Variants in UMAD1 observed in about 807,000 individuals in gnomAD.
UMAD1 encodes UBAP1-MVB12-associated (UMA) domain containing 1, also known as UBAP1-MVB12-associated (UMA)-domain containing protein 1.
In UMAD1, 8 loss-of-function variants were observed where a neutral mutation model predicts 6.1. The observed-to-expected ratio is 1.30, with a 90% CI of 0.76 to 2.35. The LOEUF is 2.35. Among genes scored for constraint, UMAD1 ranks in the 30% most tolerant of loss-of-function variants. The probability of loss-of-function intolerance (pLI) is 0.00; values close to 1 mark genes in which losing one functional copy is unlikely to be tolerated. For synonymous variants in UMAD1, 56 were observed against 31.4 expected (o/e 1.78, Z -2.61); for missense variants, 130 against 78.4 (o/e 1.66, Z -2.49).
intron 1 of UMAD1, among the ~76,000 whole-genome samples, chr7:7,672,914 G>C (rs556526070): frequency 1.1e-4 from 16 of 152,310 alleles, no homozygotes; most frequent in African/African-American, 3.9e-4. Context: ...GCTTAAGGTA[G>C]TCACAACATG....
rs183387621 is a variant in UMAD1, at chr7:7,650,271, A to G, written c.-64+9450A>G. On this transcript the variant is annotated intron_variant, in intron 1 of 3. Coordinates refer to ENST00000682710, the MANE Select transcript of UMAD1 (RefSeq NM_001302348.2). ...AGTTAATATTTGCTTGAAATTACCC[A>G]TATATTTATCATTTTCTTTACTTAA... Among the ~76,000 whole-genome samples the G allele has an allele frequency of 6.5e-4, 99 of 152,238 alleles. No individual in the cohort carries two copies. In the East Asian group the frequency reaches 0.012, roughly 18 times the overall value.
rs577720818 is a variant in UMAD1, at chr7:7,691,919, A to C, written c.82+18466A>C. On this transcript the variant is annotated intron_variant, in intron 2 of 3. Coordinates refer to ENST00000682710, the MANE Select transcript of UMAD1 (RefSeq NM_001302348.2). ...TTTAGCCTTGACTAATCTTGTATTA[A>C]AATACTCATGCAAATGTGGAAGGAA... Among the ~76,000 whole-genome samples, 4 of 152,322 alleles carry C rather than the reference A, an allele frequency of 2.6e-5. No homozygotes were observed. The South Asian group carries it at 8.3e-4, about 32-fold the overall frequency.
intron 2 of UMAD1, among the ~76,000 whole-genome samples, chr7:7,801,283 A>G (rs190997487): frequency 6.4e-4 from 97 of 152,362 alleles, no homozygotes; most frequent in African/African-American, 2.1e-3. Context: ...AGTAAGCCTT[A>G]TGAAAAACTA....
At chr7:7,690,834 A>G (rs568673109) in intron 2 of UMAD1, among the ~76,000 whole-genome samples, 19 of 152,314 alleles carry the variant, frequency 1.2e-4, no homozygotes, top group Non-Finnish European at 2.2e-4. Context: ...TTCATTGCTA[A>G]AGTTGGGTTA....
chr7:7,767,101 A>C (rs1782000448), intron 2 of UMAD1, among the ~76,000 whole-genome samples: 1 of 150,918 alleles, frequency 6.6e-6, no homozygotes, highest in Admixed American at 6.6e-5. Flanking sequence ...TTTATTGTGA[A>C]TAGTGAGCAT....
intron 2 of UMAD1, among the ~76,000 whole-genome samples, chr7:7,716,886 CT>C (rs1780921674): frequency 6.6e-6 from 1 of 152,094 alleles, no homozygotes. Context: ...GCGGAGCATG[CT>C]ATGTAAATGG....
intron 3 of UMAD1, among the ~76,000 whole-genome samples, chr7:7,861,104 G>T (rs6965111): frequency 4.6e-5 from 7 of 152,014 alleles, no homozygotes; most frequent in Admixed American, 2.6e-4. Context: ...CTTGGGGAGA[G>T]GAGGGATGGG....
At chr7:7,820,011 T>C (rs1241194703) in intron 3 of UMAD1, among the ~76,000 whole-genome samples, 1 of 152,214 alleles carries the variant, frequency 6.6e-6, no homozygotes, top group Non-Finnish European at 1.5e-5. Context: ...CAATTGACCA[T>C]GACTAACTTT....
intron 2 of UMAD1, among the ~76,000 whole-genome samples, chr7:7,693,821 A>G (rs953730841): frequency 6.6e-6 from 1 of 152,142 alleles, no homozygotes; most frequent in Non-Finnish European, 1.5e-5. Context: ...AATCATATTA[A>G]CACTACTTAC....
chr7:7,803,411 G>C (rs1013861405), intron 3 of UMAD1, among the ~76,000 whole-genome samples: 8 of 152,190 alleles, frequency 5.3e-5, no homozygotes, highest in African/African-American at 1.7e-4. Context: ...GGAATTCAAG[G>C]CTCCCAGCCT....
chr7:7,672,612 T>G (rs1241960523), intron 1 of UMAD1, among the ~76,000 whole-genome samples: 1 of 152,162 alleles, frequency 6.6e-6, no homozygotes, highest in African/African-American at 2.4e-5. Context: ...GTGAGTGAGT[T>G]CTCATGAGAT....
intron 2 of UMAD1, among the ~76,000 whole-genome samples, chr7:7,720,287 A>G (rs1486821348): frequency 6.6e-6 from 1 of 152,192 alleles, no homozygotes; most frequent in Non-Finnish European, 1.5e-5. Flanking sequence ...TGGGATGTAA[A>G]AACCCTAGGC....
At chr7:7,824,970 A>C (rs1307803356) in intron 3 of UMAD1, among the ~76,000 whole-genome samples, 1 of 152,140 alleles carries the variant, frequency 6.6e-6, no homozygotes, top group African/African-American at 2.4e-5. Flanking sequence ...TTGTAGAATA[A>C]ATAAAGTAGG....
chr7:7,755,490 A>C (rs1333739563), intron 2 of UMAD1, among the ~76,000 whole-genome samples: 1 of 152,174 alleles, frequency 6.6e-6, no homozygotes, highest in Non-Finnish European at 1.5e-5. Flanking sequence ...TCAGAGTCTA[A>C]ATTTTCTCTT....
chr7:7,656,190 C>G (rs747454962), intron 1 of UMAD1, among the ~76,000 whole-genome samples: 13 of 152,028 alleles, frequency 8.6e-5, no homozygotes, highest in Middle Eastern at 3.2e-3. Context: ...CTTCTGTATA[C>G]ACCATTGTAA....
chr7:7,878,028 G>C lies in UMAD1; in HGVS notation c.*490G>C, dbSNP rs1784457554. ...GTTGCCAGTTAGCTTAATTTCTTCA[G>C]ATGCATTGATGTGGAAATTTAAAAC... On this transcript the variant is annotated 3_prime_UTR_variant, in exon 4 of 4. Transcript: ENST00000682710. The C allele has an allele frequency of 6.3e-6, 1 of 157,636 alleles. No homozygotes were observed. The highest frequency in any genetic ancestry group is 6.1e-5 in the Admixed American group (1 of 16,302). The allele number at this position is 157,636 out of a possible 1,614,324, so 9.8% of individuals were successfully genotyped here. A position where few individuals can be genotyped will look rare whatever the true frequency, so the allele number is the denominator to read the frequency against.
chr7:7,674,598 T>C (rs1475630507), intron 2 of UMAD1, among the ~76,000 whole-genome samples: 1 of 152,174 alleles, frequency 6.6e-6, no homozygotes, highest in Non-Finnish European at 1.5e-5. Flanking sequence ...GGGCTTAGTC[T>C]TTGACCAGGG....
At chr7:7,826,473 G>A (rs1278755492) in intron 3 of UMAD1, among the ~76,000 whole-genome samples, 1 of 152,102 alleles carries the variant, frequency 6.6e-6, no homozygotes, top group African/African-American at 2.4e-5. Context: ...ATTCCATCCT[G>A]TTAAACTGGT....
chr7:7,781,925 G>A (rs1338762347), intron 2 of UMAD1, among the ~76,000 whole-genome samples: 1 of 151,910 alleles, frequency 6.6e-6, no homozygotes, highest in Non-Finnish European at 1.5e-5. Flanking sequence ...ATGCATTGAG[G>A]TACTCATTTT....
Sources: gnomAD v4.1 joint callset for allele counts (sites outside exome capture counted in the v4.1 genomes callset) on GRCh38, gnomAD v4.1.1 for gene constraint, MANE v1.5 for transcripts, NCBI Gene and HGNC (gene_info 2026-07-23, HGNC 2026-07-21) for gene names.